The following MTF2 variants were observed in gnomAD, a reference collection of about 807,000 sequenced individuals.
MTF2 encodes the protein metal response element binding transcription factor 2.
MTF2 carries 11 observed loss-of-function variants against 79.5 expected under a neutral mutation model. That is an observed-to-expected ratio of 0.14 (90% CI 0.09 to 0.23). The LOEUF (loss-of-function observed/expected upper bound fraction) is 0.23, where lower values mean the gene tolerates loss of function less well. MTF2 is among the 10% of genes least tolerant of loss of function. The pLI is 1.00. For synonymous variants in MTF2, 208 were observed against 232.8 expected (o/e 0.89, Z 0.97); for missense variants, 486 against 711.2 (o/e 0.68, Z 3.60).
rs1656735541 is a variant in MTF2, at chr1:93,127,228, A to G, written c.922-4A>G. 1.2e-6 allele frequency: 2 copies of G among 1,607,644 alleles called. No homozygotes were observed. The highest frequency in any genetic ancestry group is 4.5e-5 in the East Asian group (2 of 44,756). ...GCGTTAAATTGTTTCTTGATACTTC[A>G]CAGCTGGCAGACACACCAAAATCTG... On this transcript the variant is annotated splice_region_variant and splice_polypyrimidine_tract_variant and intron_variant, in intron 9 of 14. Transcript: ENST00000370298.
intron 9 of MTF2, 178 bp downstream of exon 9, chr1:93,120,850 G>A: frequency 2.0e-5 from 27 of 1,317,242 alleles, no homozygotes; most frequent in Non-Finnish European, 2.6e-5. Context: ...TCATCCTCCT[G>A]TGTGTTTGTT....
At chr1:93,090,873 C>A (rs1248958177) in intron 1 of MTF2, among the ~76,000 whole-genome samples, 1 of 151,766 alleles carries the variant, frequency 6.6e-6, no homozygotes, top group Non-Finnish European at 1.5e-5. Flanking sequence ...TCGTGTTTGC[C>A]AGGATGGTCT....
At chr1:93,095,443 C>T (rs1236072243) in intron 1 of MTF2, among the ~76,000 whole-genome samples, 2 of 152,038 alleles carry the variant, frequency 1.3e-5, no homozygotes, top group Non-Finnish European at 2.9e-5. Context: ...TGGGTTCAAG[C>T]GATTCTCCTG....
chr1:93,103,545 A>G (rs940903140), intron 1 of MTF2, among the ~76,000 whole-genome samples: 6 of 152,020 alleles, frequency 3.9e-5, no homozygotes, highest in Non-Finnish European at 7.4e-5. Flanking sequence ...TGAATTATAA[A>G]TATGTAGTAC....
chr1:93,105,075 C>T (rs1360924943), intron 1 of MTF2, among the ~76,000 whole-genome samples: 2 of 137,286 alleles, frequency 1.5e-5, no homozygotes, highest in African/African-American at 2.7e-5. Flanking sequence ...ACCTGGGAGG[C>T]GGAGCTTGCA....
At chr1:93,131,017 A>G (rs72955379) in intron 11 of MTF2, among the ~76,000 whole-genome samples, 12,659 of 152,110 alleles carry the variant, frequency 0.083, 1,724 homozygotes, top group African/African-American at 0.29. Context: ...TGGATGTGTA[A>G]TTCAGGAGCT....
At chr1:93,114,375 C>G (rs979949691) in intron 3 of MTF2, among the ~76,000 whole-genome samples, 1 of 152,152 alleles carries the variant, frequency 6.6e-6, no homozygotes, top group African/African-American at 2.4e-5. Flanking sequence ...TCTGCTGTCG[C>G]CCATCCCTCA....
chr1:93,114,968 A>T lies in MTF2; in HGVS notation c.383-20A>T. On this transcript the variant is annotated intron_variant, in intron 4 of 14. Coordinates refer to ENST00000370298, the MANE Select transcript of MTF2 (RefSeq NM_007358.4). ...GTATTAATGAAACCGAATTTGCTTT[A>T]TGCTTTTTTTGATATTAAGGATATC... The T allele has an allele frequency of 3.3e-6, 5 of 1,537,220 alleles. No homozygotes were observed. The highest frequency in any genetic ancestry group is 4.5e-6 in the Non-Finnish European group (5 of 1,120,374).
chr1:93,126,856 A>G (rs1157063955), intron 9 of MTF2, among the ~76,000 whole-genome samples: 1 of 152,060 alleles, frequency 6.6e-6, no homozygotes, highest in Non-Finnish European at 1.5e-5. Context: ...TTTATAGTAA[A>G]TATTAAAATA....
intron 11 of MTF2, among the ~76,000 whole-genome samples, chr1:93,130,095 A>G (rs1020766806): frequency 3.9e-5 from 6 of 152,212 alleles, no homozygotes; most frequent in Non-Finnish European, 8.8e-5. Flanking sequence ...CAGCAAGTGC[A>G]AAGGCTTTGA....
At chr1:93,080,175 AAT>A (rs1654543415) in intron 1 of MTF2, among the ~76,000 whole-genome samples, 1 of 152,174 alleles carries the variant, frequency 6.6e-6, no homozygotes, top group Non-Finnish European at 1.5e-5. Context: ...GCTCACCAAA[AAT>A]ATGAGGCTTT....
chr1:93,090,925 A>C (rs1655050244), intron 1 of MTF2, among the ~76,000 whole-genome samples: 1 of 152,138 alleles, frequency 6.6e-6, no homozygotes, highest in Admixed American at 6.5e-5. Flanking sequence ...GGCCTCCCAG[A>C]GTGCTGGGAT....
intron 1 of MTF2, among the ~76,000 whole-genome samples, chr1:93,085,193 C>CTT (rs1306405963): frequency 6.9e-6 from 1 of 144,006 alleles, no homozygotes. Context: ...TTCTTTCTTT[C>CTT]TTTTTTTTTT....
At chr1:93,114,934 G>T in intron 4 of MTF2, 54 bp from the exon 5 acceptor site, 1 of 1,351,966 alleles carries the variant, frequency 7.4e-7, no homozygotes, top group Non-Finnish European at 1.0e-6. Context: ...TCTTGAAATT[G>T]TGTTGAAAGT....
At chr1:93,115,125 A>G (rs775315406) in intron 5 of MTF2, 37 bp downstream of exon 5, 116 of 1,414,046 alleles carry the variant, frequency 8.2e-5, no homozygotes, top group Non-Finnish European at 1.1e-4. Flanking sequence ...GCTCTGATGG[A>G]ATTTGTAAGA....
At chr1:93,124,000 T>C (rs1481394225) in intron 9 of MTF2, among the ~76,000 whole-genome samples, 1 of 152,032 alleles carries the variant, frequency 6.6e-6, no homozygotes. Flanking sequence ...TTCAAAAATA[T>C]TACACTTTTG....
At chr1:93,087,471 C>G (rs1654893855) in intron 1 of MTF2, among the ~76,000 whole-genome samples, 1 of 151,584 alleles carries the variant, frequency 6.6e-6, no homozygotes, top group East Asian at 1.9e-4. Flanking sequence ...ACTCAGGAGG[C>G]TGAGGCAGGA....
At chr1:93,093,598 T>A (rs1180646752) in intron 1 of MTF2, among the ~76,000 whole-genome samples, 1 of 152,218 alleles carries the variant, frequency 6.6e-6, no homozygotes, top group Non-Finnish European at 1.5e-5. Flanking sequence ...ACTCCCTCTG[T>A]TTAGTTTTAT....
intron 14 of MTF2, among the ~76,000 whole-genome samples, chr1:93,134,933 A>G (rs1647324703): frequency 6.6e-6 from 1 of 151,310 alleles, no homozygotes; most frequent in Non-Finnish European, 1.5e-5. Context: ...CTGATATCTT[A>G]TTTAATCCAG....
Sources: gnomAD v4.1 joint callset for allele counts (sites outside exome capture counted in the v4.1 genomes callset) on GRCh38, gnomAD v4.1.1 for gene constraint, MANE v1.5 for transcripts, NCBI Gene and HGNC (gene_info 2026-07-23, HGNC 2026-07-21) for gene names.